Variants in ZNF619 observed in about 807,000 individuals in gnomAD.
The protein encoded by ZNF619 is zinc finger protein 619.
A neutral mutation model predicts 14.2 loss-of-function variants in ZNF619; 9 were observed. The observed-to-expected ratio is 0.64, with a 90% CI of 0.38 to 1.11. ZNF619 has a LOEUF of 1.11. Among genes scored for constraint, ZNF619 ranks in the 50% least tolerant of loss-of-function variants. ZNF619 has a pLI of 0.01. For missense variants in ZNF619, 659 were observed against 680.1 expected, an observed-to-expected ratio of 0.97 and a Z score of 0.34; for synonymous variants, 246 against 252.8, an observed-to-expected ratio of 0.97 and a Z score of 0.26.
intron 4 of ZNF619, among the ~76,000 whole-genome samples, chr3:40,483,008 A>G (rs1451011689): frequency 2.0e-5 from 3 of 152,146 alleles, no homozygotes; most frequent in African/African-American, 7.2e-5. Flanking sequence ...CCAAGAGTTC[A>G]AGACCAGCCC....
rs1341653721 is a variant in ZNF619, at chr3:40,482,177, C to T, written c.178+161C>T. On this transcript the variant is annotated intron_variant, in intron 3 of 4. Transcript: ENST00000432264. ...GGGGTAGCTGGATGGAGAAAGAGCT[C>T]GGTTCACTTTGGTGTTTAACAGGAC... 67 of 1,545,230 alleles carry T rather than the reference C, an allele frequency of 4.3e-5. No homozygotes were observed. In the East Asian group the frequency reaches 1.0e-3, roughly 23 times the overall value.
In ZNF619 at chr3:40,487,895, G is replaced by T. The variant is rs767435621; in HGVS notation, c.1385G>T (p.Gly462Val). The T allele has an allele frequency of 1.2e-6, 2 of 1,614,196 alleles. No individual in the cohort carries two copies. The highest frequency in any genetic ancestry group is 1.7e-5 in the Admixed American group (1 of 60,020). The change falls in exon 5 of 5, where the codon GGG becomes GTG. Residue 462 changes from glycine to valine, a missense_variant. By Grantham distance (109) the Gly-to-Val change is moderately radical. Coordinates refer to ENST00000432264, the MANE Select transcript of ZNF619 (RefSeq NM_001145093.4). ...GEKPYECKEC[G>V]KAFRWNASFI... ...AAACCTTATGAGTGTAAGGAGTGCG[G>T]GAAAGCCTTCAGATGGAATGCAAGT...
At chr3:40,486,707 A>G in intron 4 of ZNF619, 99 bp from the exon 5 acceptor site, 1 of 984,134 alleles carries the variant, frequency 1.0e-6, no homozygotes, top group South Asian at 1.8e-5. Flanking sequence ...ACTCAAAAAA[A>G]AAAAAAAATT....
At position 40,490,868 on chromosome 3, in the gene ZNF619, T is replaced by C. The variant is rs1275353026; in HGVS notation, c.*2627T>C. Among the ~76,000 whole-genome samples the C allele has an allele frequency of 2.0e-5, 3 of 152,096 alleles. No homozygotes were observed. Among genetic ancestry groups the C allele is most frequent in the Non-Finnish European group, 4.4e-5 (3 of 68,034 alleles). ...TACATGGCATGGGGGTTGGTGCCCA[T>C]ATGATGGGACTGATGGCTTTATAAG... is the stretch of plus-strand genomic sequence containing the variant. On this transcript the variant is annotated 3_prime_UTR_variant, in exon 5 of 5. Transcript: ENST00000432264.
chr3:40,487,738 A>C lies in ZNF619; in HGVS notation c.1228A>C (p.Ser410Arg). The change falls in exon 5 of 5, where the codon AGC (serine) becomes CGC (arginine). Residue 410 changes from serine to arginine, a missense_variant. Physicochemically the swap from Ser to Arg is moderately radical, Grantham distance 110. Coordinates refer to ENST00000432264, the MANE Select transcript of ZNF619 (RefSeq NM_001145093.4). ...YKCNECWKTF[S>R]CSSRFIVHQR... The stretch of plus-strand genomic sequence containing the variant: ...ATGTAATGAATGTTGGAAAACTTTC[A>C]GCTGTAGCTCCCGCTTCATAGTGCA... 1.9e-6 allele frequency: 3 copies of C among 1,614,198 alleles called. No individual in the cohort carries two copies. In the South Asian group the frequency reaches 3.3e-5, roughly 18 times the overall value.
intron 2 of ZNF619, among the ~76,000 whole-genome samples, chr3:40,478,906 G>A (rs1259125732): frequency 6.6e-6 from 1 of 152,156 alleles, no homozygotes; most frequent in African/African-American, 2.4e-5. Flanking sequence ...AGTGTGCTGT[G>A]GGGGTATGCT....
chr3:40,478,222 A>ATTC (rs1222008364), intron 2 of ZNF619, among the ~76,000 whole-genome samples: 1 of 152,214 alleles, frequency 6.6e-6, no homozygotes. Flanking sequence ...GAAAGTGGGA[A>ATTC]TCTGCATTCA....
Position 40,482,017 on chromosome 3 carries a change from G to A in ZNF619, c.178+1G>A. ...AATTATGCAAATGTGACTTCCTTGT[G>A]TAAGTCCTCCTTCCTCTCTGAAACT... On this transcript the variant is annotated splice_donor_variant, in intron 3 of 4. Transcript: ENST00000432264. LOFTEE classifies it high-confidence loss of function. The A allele has an allele frequency of 6.3e-7, 1 of 1,591,978 alleles. No individual in the cohort carries two copies. Among genetic ancestry groups the A allele is most frequent in the African/African-American group, 1.3e-5 (1 of 74,230 alleles).
At chr3:40,485,718 A>T (rs964486644) in intron 4 of ZNF619, among the ~76,000 whole-genome samples, 2 of 152,092 alleles carry the variant, frequency 1.3e-5, no homozygotes, top group African/African-American at 2.4e-5. Flanking sequence ...AGTCATGGTC[A>T]ACAAGCCTCA....
At chr3:40,478,203 A>G (rs1353220644) in intron 2 of ZNF619, among the ~76,000 whole-genome samples, 200 bp downstream of exon 2, 1 of 152,174 alleles carries the variant, frequency 6.6e-6, no homozygotes, top group Admixed American at 6.5e-5. Flanking sequence ...GAAGGAATGA[A>G]TTATCCTAGA....
rs752815641 is a variant in ZNF619, at chr3:40,487,181, G to C, written c.671G>C (p.Arg224Thr). The C allele has an allele frequency of 6.2e-7, 1 of 1,614,168 alleles. No individual in the cohort carries two copies. Among genetic ancestry groups the C allele is most frequent in the South Asian group, 1.1e-5 (1 of 91,082 alleles). ...CATTCAGACTTTCACCTGCATCAGA[G>C]AGTTCACACTAATGAGAAGCCCTAC... is the stretch of plus-strand genomic sequence containing the variant. ...NPHSDFHLHQ[R>T]VHTNEKPYTC... The change falls in exon 5 of 5, where the codon AGA (arginine) becomes ACA (threonine). Residue 224 changes from arginine (R) to threonine (T), a missense_variant. Physicochemically the swap from Arg to Thr is moderately conservative, Grantham distance 71 (BLOSUM62 -1). Transcript: ENST00000432264.
At position 40,488,141 on chromosome 3, in the gene ZNF619, C is replaced by T; in HGVS notation, c.1631C>T (p.Ala544Val). The change falls in exon 5 of 5, where the codon GCC (alanine) becomes GTC (valine). Residue 544 changes from alanine to valine, a missense_variant. By Grantham distance (64) the Ala-to-Val change is moderately conservative. Transcript: ENST00000432264. ...FFLLLPSSEKANPSPVQIAHF... is the reference protein window; with the variant it reads ...FFLLLPSSEKVNPSPVQIAHF... ...CTGCTGCTTCCCTCATCTGAAAAGG[C>T]CAACCCTTCACCTGTCCAAATAGCA... 1 of 1,614,076 alleles carries T rather than the reference C, an allele frequency of 6.2e-7. No homozygotes were observed. The highest frequency in any genetic ancestry group is 8.5e-7 in the Non-Finnish European group (1 of 1,179,936).
At position 40,488,155 on chromosome 3, in the gene ZNF619, G is replaced by T; in HGVS notation, c.1645G>T (p.Val549Phe). The change falls in exon 5 of 5, where the codon GTC becomes TTC. Residue 549 changes from valine (V) to phenylalanine (F), a missense_variant. Transcript: ENST00000432264. ...PSSEKANPSPVQIAHFFQDLA... is the reference protein window; with the variant it reads ...PSSEKANPSPFQIAHFFQDLA... ...ATCTGAAAAGGCCAACCCTTCACCT[G>T]TCCAAATAGCACATTTTTTTCAGGA... 1.2e-6 allele frequency: 2 copies of T among 1,613,716 alleles called. No individual in the cohort carries two copies. The highest frequency in any genetic ancestry group is 1.3e-5 in the African/African-American group (1 of 74,962).
rs1301787863 is a variant in ZNF619 at position 40,487,515 on chromosome 3, A to G, written c.1005A>G (p.Glu335=). Residue 335 remains glutamate, a synonymous_variant, in exon 5 of 5, where the codon GAA becomes GAG. Coordinates refer to ENST00000432264, the MANE Select transcript of ZNF619 (RefSeq NM_001145093.4). ...FSCSYDCIIH[E]RIHNGEKPYE... ...GTAGCTATGACTGCATCATCCATGA[A>G]CGAATTCACAATGGGGAGAAGCCCT... 1.9e-6 allele frequency: 3 copies of G among 1,613,918 alleles called. No individual in the cohort carries two copies. The highest frequency in any genetic ancestry group is 2.7e-5 in the African/African-American group (2 of 74,886).
At position 40,487,176 on chromosome 3, in the gene ZNF619, T is replaced by G. The variant is rs1419094716; in HGVS notation, c.666T>G (p.His222Gln). Residue 222 changes from histidine (H) to glutamine (Q), a missense_variant, in exon 5 of 5, where the codon CAT becomes CAG. His to Gln is a conservative substitution (Grantham distance 24, BLOSUM62 0). Coordinates refer to ENST00000432264, the MANE Select transcript of ZNF619 (RefSeq NM_001145093.4). ...ACCCACATTCAGACTTTCACCTGCA[T>G]CAGAGAGTTCACACTAATGAGAAGC... ...YYNPHSDFHLHQRVHTNEKPY... is the reference protein window; with the variant it reads ...YYNPHSDFHLQQRVHTNEKPY... 1.2e-6 allele frequency: 2 copies of G among 1,614,170 alleles called. No homozygotes were observed. The highest frequency in any genetic ancestry group is 1.7e-6 in the Non-Finnish European group (2 of 1,180,032).
At position 40,489,201 on chromosome 3, in the gene ZNF619, T is replaced by C. The variant is rs558245866; in HGVS notation, c.*960T>C. ...TTCCTTCTCTATTTTCATTTTCCTT[T>C]TTTTTTTGAGACAGGTTCTTGTTCT... On this transcript the variant is annotated 3_prime_UTR_variant, in exon 5 of 5. Transcript: ENST00000432264. 3 of 151,046 alleles carry C rather than the reference T, an allele frequency of 2.0e-5. No homozygotes were observed. The highest frequency in any genetic ancestry group is 6.6e-5 in the Admixed American group (1 of 15,246). The allele number at this position is 151,046 out of a possible 1,614,324, so 9.4% of individuals were successfully genotyped here. A position where few individuals can be genotyped will look rare whatever the true frequency, so the allele number is the denominator to read the frequency against.
At chr3:40,483,600 G>T in intron 4 of ZNF619, 1 of 446,284 alleles carries the variant, frequency 2.2e-6, no homozygotes. Context: ...CAAGCACTTG[G>T]TTTTTAAAAA....
rs372214247 is a variant in ZNF619 at position 40,487,201 on chromosome 3, C to G, written c.691C>G (p.Pro231Ala). 6.2e-6 allele frequency: 10 copies of G among 1,614,058 alleles called. No homozygotes were observed. Among genetic ancestry groups the G allele is most frequent in the Non-Finnish European group, 8.5e-6 (10 of 1,180,054 alleles). The change falls in exon 5 of 5, where the codon CCC becomes GCC. Residue 231 changes from proline to alanine, a missense_variant. Physicochemically the swap from Pro to Ala is conservative, Grantham distance 27. Coordinates refer to ENST00000432264, the MANE Select transcript of ZNF619 (RefSeq NM_001145093.4). ...TCAGAGAGTTCACACTAATGAGAAGCCCTACACATGCAAAGAATGTGGGAA... is the reference window on the plus strand; with the variant it reads ...TCAGAGAGTTCACACTAATGAGAAGGCCTACACATGCAAAGAATGTGGGAA... The part of the protein sequence containing the change: ...LHQRVHTNEK[P>A]YTCKECGKTF...
chr3:40,478,978 G>A (rs1697292967), intron 2 of ZNF619, among the ~76,000 whole-genome samples: 1 of 152,124 alleles, frequency 6.6e-6, no homozygotes, highest in Non-Finnish European at 1.5e-5. Context: ...CCCCAAAGAG[G>A]ACCCCAAATG....
Sources: gnomAD v4.1 joint callset for allele counts (sites outside exome capture counted in the v4.1 genomes callset) on GRCh38, gnomAD v4.1.1 for gene constraint, MANE v1.5 for transcripts, NCBI Gene and HGNC (gene_info 2026-07-23, HGNC 2026-07-21) for gene names.